The following DOCK4 variants were observed in gnomAD, a reference collection of about 807,000 sequenced individuals.
The protein encoded by DOCK4 is dedicator of cytokinesis protein 4.
In DOCK4, 97 loss-of-function variants were observed where a neutral mutation model predicts 268.1. That is an observed-to-expected ratio of 0.36 (90% confidence interval 0.31 to 0.43). The LOEUF (loss-of-function observed/expected upper bound fraction) is 0.43. Among genes scored for constraint, DOCK4 ranks in the 20% least tolerant of loss-of-function variants. DOCK4 has a pLI of 1.00. For synonymous variants in DOCK4, 954 were observed against 887.2 expected (o/e 1.08, Z -1.34); for missense variants, 2,145 against 2,455.7 (o/e 0.87, Z 2.67).
intron 1 of DOCK4, among the ~76,000 whole-genome samples, chr7:112,163,335 C>A (rs1817309484): frequency 6.6e-6 from 1 of 152,114 alleles, no homozygotes; most frequent in South Asian, 2.1e-4. Flanking sequence ...CATCAATGCC[C>A]TGGCCAACAA....
intron 1 of DOCK4, among the ~76,000 whole-genome samples, chr7:112,024,414 A>C (rs187164187): frequency 2.2e-4 from 34 of 152,246 alleles, no homozygotes; most frequent in African/African-American, 7.9e-4. Flanking sequence ...CCACAATCCA[A>C]AATCTGCTCT....
At chr7:111,968,741 C>T (rs1210222309) in intron 8 of DOCK4, among the ~76,000 whole-genome samples, 1 of 113,348 alleles carries the variant, frequency 8.8e-6, no homozygotes, top group Non-Finnish European at 1.7e-5. Context: ...AATCATGCTG[C>T]TATAAAGACA....
intron 10 of DOCK4, among the ~76,000 whole-genome samples, 195 bp downstream of exon 10, chr7:111,944,616 T>C (rs1586455032): frequency 6.6e-6 from 1 of 152,186 alleles, no homozygotes; most frequent in South Asian, 2.1e-4. Flanking sequence ...AGAATCTGTT[T>C]ATGGTAGGTG....
chr7:112,018,887 T>A (rs973784282), intron 1 of DOCK4, among the ~76,000 whole-genome samples: 3 of 152,154 alleles, frequency 2.0e-5, no homozygotes, highest in Non-Finnish European at 2.9e-5. Flanking sequence ...TCACAATAGG[T>A]TAATTAGGAA....
rs764513940 is a variant in DOCK4, at chr7:111,920,156, G to A, written c.1067-4252C>T. On this transcript the variant is annotated intron_variant, in intron 12 of 52. Coordinates refer to ENST00000428084, the MANE Select transcript of DOCK4 (RefSeq NM_001363540.2). The stretch of plus-strand genomic sequence containing the variant: ...ATATGGGGGTTAGGGAGAGTAAACC[G>A]GGAGATTTTGGTCACAGGAGACGAA... 2.0e-5 allele frequency among the ~76,000 whole-genome samples: 3 copies of A among 152,226 alleles called. No individual in the cohort carries two copies. In the East Asian group the frequency reaches 5.8e-4, roughly 29 times the overall value.
chr7:111,742,667 T>A lies in DOCK4; in HGVS notation c.4678-535A>T, dbSNP rs950061070. ...AAAAACAAAACAAAAAGGAATTCTA[T>A]GACAGTTTCCATGCTTCTTGTTTTT... On this transcript the variant is annotated intron_variant, in intron 44 of 52. Coordinates refer to ENST00000428084, the MANE Select transcript of DOCK4 (RefSeq NM_001363540.2). Among the ~76,000 whole-genome samples, 4 of 152,356 alleles carry A rather than the reference T, an allele frequency of 2.6e-5. No individual in the cohort carries two copies. In the South Asian group the frequency reaches 8.3e-4, roughly 32 times the overall value.
At chr7:112,002,456 A>G (rs927256083) in intron 2 of DOCK4, among the ~76,000 whole-genome samples, 1 of 152,210 alleles carries the variant, frequency 6.6e-6, no homozygotes, top group Admixed American at 6.5e-5. Context: ...TTATCTGTAT[A>G]CAAAGTAGTA....
At chr7:112,138,835 A>C (rs2116240188) in intron 1 of DOCK4, among the ~76,000 whole-genome samples, 1 of 152,248 alleles carries the variant, frequency 6.6e-6, no homozygotes, top group South Asian at 2.1e-4. Context: ...GCAGAGAAAG[A>C]TCTCTCTCCA....
At chr7:111,760,374 A>G in intron 39 of DOCK4, 52 bp from the exon 40 acceptor site, 1 of 1,566,296 alleles carries the variant, frequency 6.4e-7, no homozygotes. Context: ...AGTGGATTAC[A>G]GACAGAGCCA....
At position 111,881,387 on chromosome 7, in the gene DOCK4, C is replaced by A. The variant is rs1586255444; in HGVS notation, c.1588-4201G>T. Among the ~76,000 whole-genome samples, 3 of 152,158 alleles carry A rather than the reference C, an allele frequency of 2.0e-5. No individual in the cohort carries two copies. The East Asian group carries it at 5.8e-4, about 29-fold the overall frequency. On this transcript the variant is annotated intron_variant, in intron 16 of 52. Coordinates refer to ENST00000428084, the MANE Select transcript of DOCK4 (RefSeq NM_001363540.2). ...ACTACAACGAGATATCATCTCACCC[C>A]AGGTAAAATGGCTTTTATCCAAAAG...
intron 15 of DOCK4, among the ~76,000 whole-genome samples, chr7:111,897,413 G>A (rs1259080012): frequency 1.3e-5 from 2 of 151,670 alleles, no homozygotes; most frequent in African/African-American, 2.4e-5. Context: ...CTCTAAATAT[G>A]GCAAGTACCC....
chr7:111,783,179 C>T (rs576764332), intron 34 of DOCK4, among the ~76,000 whole-genome samples: 64 of 152,218 alleles, frequency 4.2e-4, no homozygotes, highest in Non-Finnish European at 7.1e-4. Flanking sequence ...AATTTCATTG[C>T]CATGTCAAGA....
At chr7:112,038,819 T>C (rs1304050812) in intron 1 of DOCK4, among the ~76,000 whole-genome samples, 2 of 152,250 alleles carry the variant, frequency 1.3e-5, no homozygotes, top group Admixed American at 1.3e-4. Context: ...AAATCCTTGT[T>C]CTTCAGTCAC....
At chr7:111,796,152 A>G (rs146862436) in intron 30 of DOCK4, among the ~76,000 whole-genome samples, 2 of 152,280 alleles carry the variant, frequency 1.3e-5, no homozygotes, top group African/African-American at 4.8e-5. Context: ...ACACCATCAG[A>G]GAGTGTCCCT....
rs115684620 is a variant in DOCK4 at position 111,893,578 on chromosome 7, T to C, written c.1587+2034A>G. ...GAAGCTCAAGACATTGCCTGTTATATTATATATCTTATCGGGCAGCCTCAG... is the reference window on the plus strand; with the variant it reads ...GAAGCTCAAGACATTGCCTGTTATACTATATATCTTATCGGGCAGCCTCAG... On this transcript the variant is annotated intron_variant, in intron 16 of 52. Coordinates refer to ENST00000428084, the MANE Select transcript of DOCK4 (RefSeq NM_001363540.2). Among the ~76,000 whole-genome samples the C allele has an allele frequency of 4.2e-3, 638 of 152,346 alleles. 9 individuals are homozygous for C. The highest frequency in any genetic ancestry group is 0.013 in the African/African-American group (533 of 41,578).
chr7:111,872,664 T>C (rs1442817735), intron 17 of DOCK4, 100 bp from the exon 18 acceptor site: 3 of 932,844 alleles, frequency 3.2e-6, no homozygotes. Flanking sequence ...CACATGTGGC[T>C]CCCCTCTCCT....
At chr7:111,802,403 C>T (rs1002981140) in intron 30 of DOCK4, among the ~76,000 whole-genome samples, 5 of 152,204 alleles carry the variant, frequency 3.3e-5, no homozygotes, top group African/African-American at 1.2e-4. Context: ...AGCAGAGCCC[C>T]AGCTATGCTC....
intron 1 of DOCK4, among the ~76,000 whole-genome samples, chr7:112,010,238 T>C (rs888082982): frequency 1.3e-5 from 2 of 152,016 alleles, no homozygotes; most frequent in Non-Finnish European, 2.9e-5. Context: ...AGATAAAATA[T>C]GGTGGAAAAA....
chr7:111,974,464 T>C lies in DOCK4; in HGVS notation c.701+2668A>G, dbSNP rs112671162. Among the ~76,000 whole-genome samples, 1,414 of 149,488 alleles carry C rather than the reference T, an allele frequency of 9.5e-3. 22 individuals are homozygous for C. Among genetic ancestry groups the C allele is most frequent in the African/African-American group, 0.033 (1,353 of 40,562 alleles). ...CTGACTTGATTTCTCCGAGGATCAT[T>C]ACAGATCAGGTGGCATATTGAAGAG... On this transcript the variant is annotated intron_variant, in intron 8 of 52. Coordinates refer to ENST00000428084, the MANE Select transcript of DOCK4 (RefSeq NM_001363540.2).
Sources: gnomAD v4.1 joint callset for allele counts (sites outside exome capture counted in the v4.1 genomes callset) on GRCh38, gnomAD v4.1.1 for gene constraint, MANE v1.5 for transcripts, NCBI Gene and HGNC (gene_info 2026-07-23, HGNC 2026-07-21) for gene names.